Variants in DLG2 observed in about 807,000 individuals in gnomAD.
DLG2 encodes the protein disks large homolog 2.
Under a neutral mutation model 132.5 loss-of-function variants are expected in DLG2, and 45 were observed. The ratio of observed to expected loss-of-function variants is 0.34; its 90% CI spans 0.27 to 0.44. The LOEUF (loss-of-function observed/expected upper bound fraction) is 0.44. Among genes scored for constraint, DLG2 ranks in the 20% least tolerant of loss-of-function variants. The probability of loss-of-function intolerance (pLI) is 1.00; values close to 1 mark genes in which losing one functional copy is unlikely to be tolerated. For synonymous variants in DLG2, 424 were observed against 419.6 expected (o/e 1.01, Z -0.13); for missense variants, 1,045 against 1,196.9 (o/e 0.87, Z 1.87).
At chr11:85,420,089 G>A (rs140336698) in intron 3 of DLG2, among the ~76,000 whole-genome samples, 2,320 of 152,234 alleles carry the variant, frequency 0.015, 27 homozygotes, top group Non-Finnish European at 0.023. Flanking sequence ...TTTGGTCTTT[G>A]GTTGGTGACC....
chr11:84,386,617 T>C (rs911396662), intron 7 of DLG2, among the ~76,000 whole-genome samples: 2 of 152,140 alleles, frequency 1.3e-5, no homozygotes, highest in African/African-American at 4.8e-5. Flanking sequence ...TGAAAATCAA[T>C]AAATGGCCAT....
chr11:85,268,941 C>T (rs1039707611), intron 4 of DLG2, among the ~76,000 whole-genome samples: 4 of 152,150 alleles, frequency 2.6e-5, no homozygotes, highest in African/African-American at 4.8e-5. Flanking sequence ...GAAGTATATG[C>T]TGCTATTTCA....
At chr11:83,669,376 C>T (rs1183229427) in intron 18 of DLG2, among the ~76,000 whole-genome samples, 1 of 152,146 alleles carries the variant, frequency 6.6e-6, no homozygotes, top group Non-Finnish European at 1.5e-5. Context: ...GCTGCTGTGT[C>T]TCATGGAAGG....
intron 9 of DLG2, among the ~76,000 whole-genome samples, chr11:84,118,310 A>G (rs1019157202): frequency 3.9e-5 from 6 of 152,254 alleles, no homozygotes; most frequent in Admixed American, 1.3e-4. Context: ...TGTGTACTAG[A>G]GTAACAGTTT....
intron 3 of DLG2, among the ~76,000 whole-genome samples, chr11:85,324,103 G>A (rs193000339): frequency 2.0e-5 from 3 of 152,222 alleles, no homozygotes; most frequent in East Asian, 1.9e-4. Context: ...GTCCTTGCTT[G>A]GGGTAGGGGG....
chr11:83,473,549 A>C (rs76214634), intron 22 of DLG2, among the ~76,000 whole-genome samples: 2,821 of 152,194 alleles, frequency 0.019, 88 homozygotes, highest in African/African-American at 0.063. Context: ...ATAATTGATG[A>C]ATTAATTGGT....
chr11:84,761,748 G>A (rs1270219452), intron 6 of DLG2, among the ~76,000 whole-genome samples: 2 of 152,098 alleles, frequency 1.3e-5, no homozygotes, highest in African/African-American at 2.4e-5. Context: ...CCCTACTTTT[G>A]AGGTTTTGGG....
intron 7 of DLG2, among the ~76,000 whole-genome samples, chr11:84,294,006 A>C (rs1016795155): frequency 3.9e-5 from 6 of 152,178 alleles, no homozygotes; most frequent in Admixed American, 1.3e-4. Flanking sequence ...AAGAGTCTGC[A>C]TGTAATAGCA....
chr11:84,492,826 G>A (rs1203103066), intron 7 of DLG2, among the ~76,000 whole-genome samples: 1 of 152,032 alleles, frequency 6.6e-6, no homozygotes, highest in Non-Finnish European at 1.5e-5. Context: ...AGTGTCTTGT[G>A]ATTTTGCACT....
chr11:85,066,038 G>T (rs1335320501), intron 6 of DLG2, among the ~76,000 whole-genome samples: 2 of 151,352 alleles, frequency 1.3e-5, no homozygotes, highest in Non-Finnish European at 3.0e-5. Context: ...TCTTTGAAAA[G>T]ATAAACAAAA....
intron 17 of DLG2, among the ~76,000 whole-genome samples, chr11:83,822,507 G>A (rs879849670): frequency 3.3e-5 from 5 of 152,158 alleles, no homozygotes; most frequent in Non-Finnish European, 4.4e-5. Context: ...GAAGCTGGAG[G>A]GGGCAGCTAT....
chr11:84,421,772 C>T (rs991801875), intron 7 of DLG2, among the ~76,000 whole-genome samples: 5 of 152,232 alleles, frequency 3.3e-5, no homozygotes, highest in African/African-American at 1.2e-4. Context: ...CTGCTCTGCT[C>T]AGGCCAAGAT....
intron 18 of DLG2, among the ~76,000 whole-genome samples, chr11:83,702,128 T>C (rs2083062575): frequency 6.6e-6 from 1 of 152,234 alleles, no homozygotes; most frequent in Admixed American, 6.5e-5. Flanking sequence ...GGGATCAGGA[T>C]ATCTCAGCAA....
intron 19 of DLG2, among the ~76,000 whole-genome samples, chr11:83,566,621 G>A (rs2096713246): frequency 6.6e-6 from 1 of 151,724 alleles, no homozygotes; most frequent in African/African-American, 2.4e-5. Context: ...TAGCACAAAA[G>A]TGTTAAAGAA....
chr11:84,265,185 G>A lies in DLG2; in HGVS notation c.520-13894C>T, dbSNP rs575742830. Among the ~76,000 whole-genome samples, 5 of 152,208 alleles carry A rather than the reference G, an allele frequency of 3.3e-5. No individual in the cohort carries two copies. The East Asian group carries it at 9.6e-4, about 29-fold the overall frequency. ...TCATGTGGTTCTTCAAGAAGCAAAT[G>A]TAGCCATATATGAGGACATTATGCA... On this transcript the variant is annotated intron_variant, in intron 7 of 27. Transcript: ENST00000376104.
chr11:85,430,068 T>C (rs545151671), intron 3 of DLG2, among the ~76,000 whole-genome samples: 1 of 152,148 alleles, frequency 6.6e-6, no homozygotes, highest in Admixed American at 6.5e-5. Context: ...AGGACATGGA[T>C]GAAGCTGGAA....
intron 15 of DLG2, among the ~76,000 whole-genome samples, chr11:83,889,757 C>A (rs762149927): frequency 6.6e-6 from 1 of 152,096 alleles, no homozygotes; most frequent in Non-Finnish European, 1.5e-5. Context: ...GGCACATATA[C>A]ACCATGGAAT....
At chr11:84,642,652 T>G (rs537422159) in intron 6 of DLG2, among the ~76,000 whole-genome samples, 2 of 152,160 alleles carry the variant, frequency 1.3e-5, no homozygotes, top group African/African-American at 4.8e-5. Flanking sequence ...AGAGAAGACA[T>G]GTACCTGCCT....
In DLG2 at chr11:83,683,038, A is replaced by C. The variant is rs560139129; in HGVS notation, c.1826-49713T>G. On this transcript the variant is annotated intron_variant, in intron 18 of 27. Coordinates refer to ENST00000376104, the MANE Select transcript of DLG2 (RefSeq NM_001142699.3). ...GCATGAAAGCCCAGCAAACGAGAAG[A>C]CTGGAAATCATAAACAGTACTGTTG... Among the ~76,000 whole-genome samples, 238 of 152,280 alleles carry C rather than the reference A, an allele frequency of 1.6e-3. 3 individuals carry two copies. The highest frequency in any genetic ancestry group is 4.0e-3 in the Admixed American group (61 of 15,294).
Sources: gnomAD v4.1 joint callset for allele counts (sites outside exome capture counted in the v4.1 genomes callset) on GRCh38, gnomAD v4.1.1 for gene constraint, MANE v1.5 for transcripts, NCBI Gene and HGNC (gene_info 2026-07-23, HGNC 2026-07-21) for gene names.